AUTS2: variants seen among roughly 807,000 people sequenced by gnomAD.
The protein encoded by AUTS2 is activator of transcription and developmental regulator AUTS2.
Under a neutral mutation model 112.4 loss-of-function variants are expected in AUTS2, and 17 were observed. The ratio of observed to expected loss-of-function variants is 0.15; its 90% CI spans 0.10 to 0.23. AUTS2 has a LOEUF of 0.23. AUTS2 is among the 10% of genes least tolerant of loss of function. The pLI, the probability that AUTS2 is intolerant of heterozygous loss-of-function variation, is 1.00. For synonymous variants in AUTS2, 751 were observed against 702.7 expected, an observed-to-expected ratio of 1.07 and a Z score of -1.09; for missense variants, 1,510 against 1,701.6, an observed-to-expected ratio of 0.89 and a Z score of 1.98.
chr7:70,750,108 GAATGAAAC>G (rs1333134551), intron 6 of AUTS2, among the ~76,000 whole-genome samples: 3 of 152,142 alleles, frequency 2.0e-5, no homozygotes, highest in African/African-American at 7.2e-5. Context: ...CTGCAGAACA[GAATGAAAC>G]AGTCACTGCC....
intron 6 of AUTS2, among the ~76,000 whole-genome samples, 172 bp from the exon 7 acceptor site, chr7:70,762,698 T>A (rs1372984645): frequency 6.6e-6 from 1 of 152,102 alleles, no homozygotes; most frequent in Non-Finnish European, 1.5e-5. Context: ...ATTGACCCCA[T>A]TTGCTGTGGG....
intron 1 of AUTS2, among the ~76,000 whole-genome samples, chr7:69,717,850 T>C (rs1798702481): frequency 6.6e-6 from 1 of 152,148 alleles, no homozygotes; most frequent in South Asian, 2.1e-4. Flanking sequence ...AGAGGGCAGT[T>C]AGAGTTCATC....
At chr7:70,456,683 A>G (rs1012094806) in intron 5 of AUTS2, among the ~76,000 whole-genome samples, 11 of 152,236 alleles carry the variant, frequency 7.2e-5, no homozygotes, top group African/African-American at 2.4e-4. Context: ...AGAGCACACA[A>G]CTGGGCCATC....
intron 4 of AUTS2, among the ~76,000 whole-genome samples, chr7:70,141,348 A>G (rs74644910): frequency 0.039 from 5,887 of 152,236 alleles, 152 homozygotes; most frequent in Middle Eastern, 0.082. Context: ...CAATGACTAC[A>G]ATACTCTTAC....
At chr7:69,915,905 G>A (rs1795560990) in intron 2 of AUTS2, among the ~76,000 whole-genome samples, 1 of 152,144 alleles carries the variant, frequency 6.6e-6, no homozygotes, top group South Asian at 2.1e-4. Flanking sequence ...TTTTTGAAGA[G>A]ATGGGGTTTT....
chr7:69,614,353 TTTC>T (rs1562759870), intron 1 of AUTS2, among the ~76,000 whole-genome samples: 2 of 80,888 alleles, frequency 2.5e-5, no homozygotes, highest in Non-Finnish European at 5.6e-5. Context: ...TCTTTCTTTC[TTTC>T]TTTCTTTCTT....
chr7:70,695,236 C>T (rs1384654126), intron 5 of AUTS2, among the ~76,000 whole-genome samples: 1 of 152,166 alleles, frequency 6.6e-6, no homozygotes, highest in Non-Finnish European at 1.5e-5. Context: ...CCCTCTGCGG[C>T]CCTGTCGCCC....
In AUTS2 at chr7:70,791,194, GC is replaced by G; in HGVS notation, c.*201del. On this transcript the variant is annotated 3_prime_UTR_variant, in exon 19 of 19. Transcript: ENST00000342771. ...ATGTTGAGATTTTTCAGATCTTTTA[GC>G]CCAGTCATATGTTCTCACGTCTCCT... 1 of 519,886 alleles carries G rather than the reference GC, an allele frequency of 1.9e-6. No individual in the cohort carries two copies. The highest frequency in any genetic ancestry group is 3.0e-6 in the Non-Finnish European group (1 of 337,274). The allele number at this position is 519,886 out of a possible 1,614,324, so 32.2% of individuals were successfully genotyped here.
chr7:70,314,700 A>C (rs889091382), intron 4 of AUTS2, among the ~76,000 whole-genome samples: 1 of 152,144 alleles, frequency 6.6e-6, no homozygotes, highest in Admixed American at 6.5e-5. Context: ...ATCTAGTAAA[A>C]TCACCCTCAA....
At chr7:70,155,674 A>T (rs1446917375) in intron 4 of AUTS2, among the ~76,000 whole-genome samples, 2 of 152,084 alleles carry the variant, frequency 1.3e-5, no homozygotes, top group African/African-American at 4.8e-5. Flanking sequence ...TCAAAGCCTG[A>T]GCCCCAAATA....
At chr7:70,517,718 T>C (rs1376774173) in intron 5 of AUTS2, among the ~76,000 whole-genome samples, 3 of 151,728 alleles carry the variant, frequency 2.0e-5, no homozygotes, top group Non-Finnish European at 4.4e-5. Flanking sequence ...ACATACATAG[T>C]TTGCATATGT....
Position 70,790,483 on chromosome 7 carries a change from G to T in AUTS2, c.3267G>T (p.Pro1089=), listed in dbSNP as rs1327407795. The T allele has an allele frequency of 1.9e-6, 3 of 1,612,160 alleles. No individual in the cohort carries two copies. Among genetic ancestry groups the T allele is most frequent in the African/African-American group, 1.3e-5 (1 of 74,848 alleles). ...YRELDIHRRD[P]LGRDFLLRND... ...AACTTGACATTCACCGGAGAGACCC[G>T]CTGGGCAGGGACTTCCTGCTAAGGA... is the stretch of plus-strand genomic sequence containing the variant. Residue 1089 remains proline, a synonymous_variant, in exon 19 of 19, where the codon CCG becomes CCT. Transcript: ENST00000342771. This position sits in a 1 kb window ranked among gnomAD's most constrained non-coding sequence, Gnocchi z 7.6.
At chr7:70,532,382 A>G (rs995730048) in intron 5 of AUTS2, among the ~76,000 whole-genome samples, 1 of 152,190 alleles carries the variant, frequency 6.6e-6, no homozygotes, top group African/African-American at 2.4e-5. Context: ...CATGGTGCCT[A>G]GAATTTACAT....
At chr7:70,417,011 T>G (rs973349394) in intron 4 of AUTS2, among the ~76,000 whole-genome samples, 14 of 152,094 alleles carry the variant, frequency 9.2e-5, no homozygotes, top group African/African-American at 3.4e-4. Context: ...GTCTCAGTGG[T>G]GGGCCAGCAG....
intron 1 of AUTS2, among the ~76,000 whole-genome samples, chr7:69,729,484 G>A (rs1042695117): frequency 4.6e-5 from 6 of 129,182 alleles, no homozygotes; most frequent in African/African-American, 1.8e-4. Flanking sequence ...TCACTTTTTG[G>A]TGGTGTGATT....
chr7:70,270,179 G>C (rs1487345516), intron 4 of AUTS2, among the ~76,000 whole-genome samples: 1 of 152,138 alleles, frequency 6.6e-6, no homozygotes, highest in East Asian at 1.9e-4. Flanking sequence ...AGGTAGGCCA[G>C]TTATTATGAA....
intron 5 of AUTS2, among the ~76,000 whole-genome samples, chr7:70,609,575 GT>G (rs1563074112): frequency 6.4e-5 from 9 of 140,752 alleles, no homozygotes; most frequent in African/African-American, 2.6e-4. Flanking sequence ...TGTTTTTTTT[GT>G]TTTGTTTTTT....
intron 5 of AUTS2, among the ~76,000 whole-genome samples, chr7:70,492,809 A>G (rs150454771): frequency 2.6e-5 from 4 of 152,286 alleles, no homozygotes; most frequent in Non-Finnish European, 4.4e-5. Flanking sequence ...GGCCCACACT[A>G]TGCTGTTTTG....
intron 5 of AUTS2, among the ~76,000 whole-genome samples, chr7:70,665,679 C>G (rs1807308170): frequency 1.3e-5 from 2 of 152,058 alleles, no homozygotes; most frequent in South Asian, 4.1e-4. Context: ...TTAAACAACT[C>G]GGGTTTGAAA....
Sources: allele counts gnomAD v4.1 joint callset (sites outside exome capture counted in the v4.1 genomes callset), GRCh38; gene constraint gnomAD v4.1.1; non-coding constraint Gnocchi (gnomAD v3.1); transcripts MANE v1.5; gene names NCBI Gene and HGNC (gene_info 2026-07-23, HGNC 2026-07-21).